Variants in TMEM117 observed in about 807,000 individuals in gnomAD.
TMEM117 encodes the protein transmembrane protein 117.
TMEM117 carries 27 observed loss-of-function variants against 52.4 expected under a neutral mutation model. The ratio of observed to expected loss-of-function variants is 0.51; its 90% CI spans 0.38 to 0.71. The LOEUF is 0.71. Among genes scored for constraint, TMEM117 ranks in the 30% least tolerant of loss-of-function variants. The pLI is 0.00. For missense variants in TMEM117, 556 were observed against 630.5 expected (o/e 0.88, Z 1.26); for synonymous variants, 215 against 206.3 (o/e 1.04, Z -0.36).
chr12:44,254,536 T>C (rs1471846198), intron 5 of TMEM117, among the ~76,000 whole-genome samples: 1 of 152,038 alleles, frequency 6.6e-6, no homozygotes, highest in Non-Finnish European at 1.5e-5. Flanking sequence ...GAGTGTAATT[T>C]GAATCAACCT....
chr12:44,013,769 C>T (rs1240674816), intron 3 of TMEM117, among the ~76,000 whole-genome samples: 3 of 152,022 alleles, frequency 2.0e-5, no homozygotes, highest in Non-Finnish European at 4.4e-5. Flanking sequence ...GGTTTCTGCT[C>T]ATGAATTCCT....
intron 4 of TMEM117, among the ~76,000 whole-genome samples, chr12:44,172,347 C>T (rs970828181): frequency 2.0e-5 from 3 of 152,166 alleles, no homozygotes; most frequent in African/African-American, 7.2e-5. Context: ...TCCTTTCTTG[C>T]CTCTTTAGCT....
At chr12:44,171,516 A>T (rs1949046096) in intron 4 of TMEM117, among the ~76,000 whole-genome samples, 1 of 152,036 alleles carries the variant, frequency 6.6e-6, no homozygotes, top group Non-Finnish European at 1.5e-5. Flanking sequence ...GAAATGAAAA[A>T]CTGTTCCTTT....
intron 3 of TMEM117, among the ~76,000 whole-genome samples, chr12:43,979,365 A>G (rs1342456316): frequency 6.6e-6 from 1 of 152,162 alleles, no homozygotes; most frequent in Non-Finnish European, 1.5e-5. Flanking sequence ...CCATAAAATG[A>G]ATAATCTTGC....
chr12:44,129,549 A>T (rs889354036), intron 3 of TMEM117, among the ~76,000 whole-genome samples: 4 of 152,194 alleles, frequency 2.6e-5, no homozygotes, highest in African/African-American at 9.6e-5. Context: ...GTGATTCCTC[A>T]TGGAACCCAG....
At chr12:44,319,807 C>T (rs1382180337) in intron 6 of TMEM117, among the ~76,000 whole-genome samples, 1 of 152,146 alleles carries the variant, frequency 6.6e-6, no homozygotes, top group African/African-American at 2.4e-5. Flanking sequence ...CATAAAATTA[C>T]CTATTTTTTT....
At chr12:44,099,912 A>G (rs1471884804) in intron 3 of TMEM117, among the ~76,000 whole-genome samples, 2 of 152,058 alleles carry the variant, frequency 1.3e-5, no homozygotes, top group Non-Finnish European at 2.9e-5. Flanking sequence ...TGGTGAGGAC[A>G]TTAAGAATGA....
At chr12:44,347,885 C>T (rs1951509566) in intron 6 of TMEM117, among the ~76,000 whole-genome samples, 1 of 152,002 alleles carries the variant, frequency 6.6e-6, no homozygotes, top group Non-Finnish European at 1.5e-5. Context: ...ACTTCTACAT[C>T]CTGGCCTTGC....
the TMEM117 span, among the ~76,000 whole-genome samples, chr12:43,820,764 A>G: frequency 2.6e-5 from 4 of 152,122 alleles, no homozygotes; most frequent in Non-Finnish European, 5.9e-5. Context: ...CACATAGACA[A>G]GTAATAAGTT....
intron 3 of TMEM117, among the ~76,000 whole-genome samples, chr12:44,133,392 G>A (rs1035434572): frequency 7.2e-5 from 11 of 152,144 alleles, no homozygotes; most frequent in African/African-American, 2.2e-4. Context: ...TTCCAACAGC[G>A]CAAAGGAAAC....
intron 4 of TMEM117, among the ~76,000 whole-genome samples, chr12:44,209,044 A>G (rs1331027282): frequency 6.6e-6 from 1 of 152,062 alleles, no homozygotes; most frequent in Non-Finnish European, 1.5e-5. Flanking sequence ...AGAAATATTT[A>G]TTTACCTATT....
intron 5 of TMEM117, among the ~76,000 whole-genome samples, chr12:44,223,945 C>T (rs564956701): frequency 4.3e-4 from 65 of 152,282 alleles, no homozygotes; most frequent in African/African-American, 1.5e-3. Context: ...GGATGTGATC[C>T]ATCATCCTGG....
At position 43,944,286 on chromosome 12, in the gene TMEM117, T is replaced by A; in HGVS notation, c.354T>A (p.Phe118Leu). The A allele has an allele frequency of 6.2e-7, 1 of 1,613,340 alleles. No homozygotes were observed. Among genetic ancestry groups the A allele is most frequent in the Non-Finnish European group, 8.5e-7 (1 of 1,179,388 alleles). The part of the protein sequence containing the change: ...WMTMFFSTIL[F>L]LFIFSHIYNT... ...CAATGTTCTTCAGCACAATTCTCTTTCTCTTCATATTTTCTCACATATACA... is the reference window on the plus strand; with the variant it reads ...CAATGTTCTTCAGCACAATTCTCTTACTCTTCATATTTTCTCACATATACA... Residue 118 changes from phenylalanine to leucine, a missense_variant, in exon 3 of 8, where the codon TTT (phenylalanine) becomes TTA (leucine). Coordinates refer to ENST00000266534, the MANE Select transcript of TMEM117 (RefSeq NM_032256.3).
intron 3 of TMEM117, among the ~76,000 whole-genome samples, chr12:44,105,739 T>A (rs1947942003): frequency 1.3e-5 from 2 of 151,938 alleles, no homozygotes; most frequent in African/African-American, 4.8e-5. Context: ...AGTTGGGTAT[T>A]TCCCTTCCCC....
intron 2 of TMEM117, among the ~76,000 whole-genome samples, chr12:43,895,161 A>T (rs576693991): frequency 1.3e-5 from 2 of 152,168 alleles, no homozygotes; most frequent in Admixed American, 1.3e-4. Flanking sequence ...CCACTCTCCA[A>T]AAGACCTTAG....
intron 3 of TMEM117, among the ~76,000 whole-genome samples, chr12:44,076,792 T>G (rs934217883): frequency 1.3e-5 from 2 of 152,292 alleles, no homozygotes; most frequent in Non-Finnish European, 2.9e-5. Context: ...GATAATGAAC[T>G]AATGGGGGAT....
At chr12:44,120,164 A>T (rs1269317060) in intron 3 of TMEM117, among the ~76,000 whole-genome samples, 1 of 152,110 alleles carries the variant, frequency 6.6e-6, no homozygotes, top group Non-Finnish European at 1.5e-5. Context: ...AGGAAATGAC[A>T]GAAGAAAGGG....
intron 3 of TMEM117, among the ~76,000 whole-genome samples, chr12:44,092,272 A>G (rs1171132757): frequency 6.6e-6 from 1 of 152,212 alleles, no homozygotes; most frequent in African/African-American, 2.4e-5. Context: ...GATTCTTCAC[A>G]TGTTGCTAAA....
At chr12:44,048,556 G>A (rs1946916073) in intron 3 of TMEM117, among the ~76,000 whole-genome samples, 1 of 151,932 alleles carries the variant, frequency 6.6e-6, no homozygotes. Context: ...ACTATCATAT[G>A]CAAATATTTT....
Sources: allele counts gnomAD v4.1 joint callset (sites outside exome capture counted in the v4.1 genomes callset), GRCh38; gene constraint gnomAD v4.1.1; transcripts MANE v1.5; gene names NCBI Gene and HGNC (gene_info 2026-07-23, HGNC 2026-07-21).